BICRA: variants seen among roughly 807,000 people sequenced by gnomAD.
The protein encoded by BICRA is BRD4 interacting chromatin remodeling complex associated protein.
Under a neutral mutation model 96.9 loss-of-function variants are expected in BICRA, and 31 were observed. The ratio of observed to expected loss-of-function variants is 0.32; its 90% CI spans 0.24 to 0.43. The LOEUF (loss-of-function observed/expected upper bound fraction) is 0.43. Ranked by LOEUF, BICRA falls within the 20% of genes least tolerant of loss-of-function variation. BICRA has a pLI of 1.00. For synonymous variants in BICRA, 1,350 were observed against 1,071.8 expected (o/e 1.26, Z -5.07); for missense variants, 2,283 against 2,190.3 (o/e 1.04, Z -0.84).
chr19:47,696,838 T>G (rs73567871), intron 11 of BICRA, among the ~76,000 whole-genome samples: 11,550 of 147,686 alleles, frequency 0.078, 1,363 homozygotes, highest in African/African-American at 0.26. Flanking sequence ...ACTGGGTGGG[T>G]GAAGTGATGG....
rs150880970 is a variant in BICRA at position 47,614,414 on chromosome 19, C to A, written c.-108+5246C>A. ...GGCAGATCACCTGCGGTCAGGAGTT[C>A]AAGACCAGCCTGGCCAACATGGTGA... On this transcript the variant is annotated intron_variant, in intron 1 of 14. Transcript: ENST00000594866. 7.0e-3 allele frequency among the ~76,000 whole-genome samples: 1,071 copies of A among 152,294 alleles called. 20 individuals are homozygous for A. Among genetic ancestry groups the A allele is most frequent in the African/African-American group, 0.024 (999 of 41,548 alleles).
intron 1 of BICRA, among the ~76,000 whole-genome samples, chr19:47,653,055 C>T (rs552832547): frequency 1.1e-4 from 16 of 145,598 alleles, no homozygotes; most frequent in Non-Finnish European, 2.2e-4. Context: ...CAGGGTCTCG[C>T]GCCGTCCGCC....
chr19:47,665,388 G>A (rs780108883), intron 1 of BICRA, among the ~76,000 whole-genome samples: 1 of 152,190 alleles, frequency 6.6e-6, no homozygotes, highest in African/African-American at 2.4e-5. Flanking sequence ...AAAAGTTCCT[G>A]TCCTGGGGGA....
At chr19:47,629,979 T>G (rs1972197680) in intron 1 of BICRA, among the ~76,000 whole-genome samples, 1 of 151,922 alleles carries the variant, frequency 6.6e-6, no homozygotes, top group Non-Finnish European at 1.5e-5. Context: ...TAGCTCTTTT[T>G]AAGTGTATAA....
In BICRA at chr19:47,701,495, G is replaced by T. The variant is rs1457648127; in HGVS notation, c.3763G>T (p.Gly1255Cys). 1 of 1,548,600 alleles carries T rather than the reference G, an allele frequency of 6.5e-7. No homozygotes were observed. Among genetic ancestry groups the T allele is most frequent in the Admixed American group, 2.0e-5 (1 of 50,986 alleles). ...KLVIRHGGAG[G>C]SPSVTWARAS... ...TGTGATCCGGCACGGCGGGGCAGGCGGCTCCCCTTCGGTCACCTGGGCCCG... is the reference window on the plus strand; with the variant it reads ...TGTGATCCGGCACGGCGGGGCAGGCTGCTCCCCTTCGGTCACCTGGGCCCG... The change falls in exon 15 of 15, where the codon GGC becomes TGC. Residue 1255 changes from glycine (G) to cysteine (C), a missense_variant. Physicochemically the swap from Gly to Cys is radical, Grantham distance 159. Coordinates refer to ENST00000594866, the MANE Select transcript of BICRA (RefSeq NM_001394372.1). This position sits in a 1 kb window ranked among gnomAD's most constrained non-coding sequence, Gnocchi z 5.4.
intron 1 of BICRA, among the ~76,000 whole-genome samples, chr19:47,643,845 A>G (rs1193064679): frequency 5.9e-5 from 9 of 152,004 alleles, no homozygotes; most frequent in Non-Finnish European, 8.8e-5. Context: ...AGACTACCAC[A>G]TGCGTGTTCA....
intron 4 of BICRA, 131 bp downstream of exon 4, chr19:47,673,893 G>C (rs1972903467): frequency 1.2e-6 from 1 of 803,876 alleles, no homozygotes; most frequent in Non-Finnish European, 2.2e-6. Context: ...AGGCACTGGA[G>C]TTACGGCCAT....
At chr19:47,632,244 C>T (rs1376054613) in intron 1 of BICRA, among the ~76,000 whole-genome samples, 1 of 152,174 alleles carries the variant, frequency 6.6e-6, no homozygotes, top group African/African-American at 2.4e-5. Flanking sequence ...CTTTGGTGGC[C>T]CCGCCAAGTT....
In BICRA at chr19:47,694,311, C is replaced by A; in HGVS notation, c.2480C>A (p.Ala827Asp). ...PPLHPCPPPQ[A>D]PPTLPGIFVI... is the part of the protein sequence containing the mutation. ...TTGCACCCTTGCCCCCCACCCCAGG[C>A]CCCCCCAACTCTGCCTGGCATCTTT... The change falls in exon 8 of 15, where the codon GCC becomes GAC. Residue 827 changes from alanine to aspartate, a missense_variant. By Grantham distance (126) the Ala-to-Asp change is moderately radical. Coordinates refer to ENST00000594866, the MANE Select transcript of BICRA (RefSeq NM_001394372.1). The A allele has an allele frequency of 3.7e-6, 3 of 806,954 alleles. No homozygotes were observed. The highest frequency in any genetic ancestry group is 5.8e-6 in the Non-Finnish European group (3 of 519,104). The allele number at this position is 806,954 out of a possible 1,614,324, so 50.0% of individuals were successfully genotyped here. A position where few individuals can be genotyped will look rare whatever the true frequency, so the allele number is the denominator to read the frequency against.
chr19:47,618,317 A>G (rs1972014019), intron 1 of BICRA, among the ~76,000 whole-genome samples: 1 of 152,124 alleles, frequency 6.6e-6, no homozygotes, highest in South Asian at 2.1e-4. Flanking sequence ...TAACCCTGTG[A>G]CTTGGTGGCA....
intron 1 of BICRA, among the ~76,000 whole-genome samples, chr19:47,640,928 C>T (rs530479921): frequency 1.6e-5 from 2 of 123,098 alleles, no homozygotes; most frequent in African/African-American, 3.2e-5. Context: ...GAGACAGAGT[C>T]TCACTCTGTC....
intron 14 of BICRA, chr19:47,700,917 G>C (rs1335695794): frequency 4.3e-6 from 1 of 232,194 alleles, no homozygotes; most frequent in African/African-American, 2.4e-5. Flanking sequence ...CTGTCCAATA[G>C]AACTTCATAT....
At chr19:47,609,349 C>T (rs939682089) in intron 1 of BICRA, among the ~76,000 whole-genome samples, 181 bp downstream of exon 1, 2 of 147,718 alleles carry the variant, frequency 1.4e-5, no homozygotes, top group African/African-American at 4.9e-5. Context: ...CTCAGCCCCC[C>T]AGCCGGGGCG....
chr19:47,676,759 A>C (rs971182769), intron 5 of BICRA, among the ~76,000 whole-genome samples: 2 of 151,926 alleles, frequency 1.3e-5, no homozygotes, highest in African/African-American at 4.8e-5. Flanking sequence ...TGATGAGGAA[A>C]TGTAGTAATT....
intron 7 of BICRA, among the ~76,000 whole-genome samples, chr19:47,683,811 C>T (rs1398377921): frequency 6.6e-6 from 1 of 152,196 alleles, no homozygotes; most frequent in Admixed American, 6.5e-5. Context: ...GTCTCGATCT[C>T]CTGACCTCGT....
intron 1 of BICRA, among the ~76,000 whole-genome samples, chr19:47,654,760 C>T (rs1972589253): frequency 6.6e-6 from 1 of 150,470 alleles, no homozygotes; most frequent in African/African-American, 2.5e-5. Flanking sequence ...CAAGACCAGC[C>T]TGGGCAACAT....
At chr19:47,644,749 C>T (rs957675174) in intron 1 of BICRA, among the ~76,000 whole-genome samples, 1 of 152,200 alleles carries the variant, frequency 6.6e-6, no homozygotes, top group Non-Finnish European at 1.5e-5. Context: ...GATCCGCCTG[C>T]CTTGGCCTCC....
chr19:47,639,668 T>C (rs1183887412), intron 1 of BICRA, among the ~76,000 whole-genome samples: 2 of 138,210 alleles, frequency 1.4e-5, no homozygotes, highest in Non-Finnish European at 3.1e-5. Flanking sequence ...GAGACAGGGT[T>C]TCTCTGTGTC....
At position 47,679,582 on chromosome 19, in the gene BICRA, G is replaced by A. The variant is rs1972995526; in HGVS notation, c.412G>A (p.Asp138Asn). ...PFQLPTLQPADGGAGPTGAGG... is the reference protein window; with the variant it reads ...PFQLPTLQPANGGAGPTGAGG... ...CCAGCTGCCCACCCTGCAGCCTGCG[G>A]ATGGCGGGGCAGGCCCGACGGGCGC... Residue 138 changes from aspartate to asparagine, a missense_variant, in exon 6 of 15, where the codon GAT becomes AAT. By Grantham distance (23) the Asp-to-Asn change is conservative. Transcript: ENST00000594866. 1 of 1,541,296 alleles carries A rather than the reference G, an allele frequency of 6.5e-7. No individual in the cohort carries two copies. The highest frequency in any genetic ancestry group is 8.7e-7 in the Non-Finnish European group (1 of 1,143,426).
Sources: gnomAD v4.1 joint callset for allele counts (sites outside exome capture counted in the v4.1 genomes callset) on GRCh38, gnomAD v4.1.1 for gene constraint, Gnocchi (gnomAD v3.1) non-coding constraint, MANE v1.5 for transcripts, NCBI Gene and HGNC (gene_info 2026-07-23, HGNC 2026-07-21) for gene names.